The following ART1 variants were observed in gnomAD, a reference collection of about 807,000 sequenced individuals.
ART1 encodes ADP-ribosyltransferase 1, also known as GPI-linked NAD(P)(+)--arginine ADP-ribosyltransferase 1.
ART1 carries 29 observed loss-of-function variants against 27.0 expected under a neutral mutation model. The observed-to-expected ratio is 1.08, with a 90% CI of 0.80 to 1.47. The LOEUF is 1.47. Among genes scored for constraint, ART1 ranks in the 40% most tolerant of loss-of-function variants. The pLI is 0.00. For missense variants in ART1, 480 were observed against 423.0 expected (o/e 1.13, Z -1.18); for synonymous variants, 201 against 172.2 (o/e 1.17, Z -1.31).
chr11:3,659,221 T>G lies in ART1; in HGVS notation c.8T>G (p.Met3Arg), dbSNP rs1372118960. ...TGGCCCAGGGTCACCAGCATGCAGATGCCTGCTATGATGTCTCTGCTTCTT... is the reference window on the plus strand; with the variant it reads ...TGGCCCAGGGTCACCAGCATGCAGAGGCCTGCTATGATGTCTCTGCTTCTT... MQ[M>R]PAMMSLLLVS... is the part of the protein sequence containing the mutation. Residue 3 changes from methionine to arginine, a missense_variant, in exon 2 of 5, where the codon ATG becomes AGG. Met to Arg is a moderately conservative substitution (Grantham distance 91). Transcript: ENST00000250693. 1 of 1,614,202 alleles carries G rather than the reference T, an allele frequency of 6.2e-7. No homozygotes were observed. The highest frequency in any genetic ancestry group is 2.2e-5 in the East Asian group (1 of 44,882).
rs528328904 is a variant in ART1 at position 3,647,854 on chromosome 11, T to C, written c.-53+2675T>C. ...AGGCTGAAAAAAAAAAAAGTAAAGT[T>C]GCACAGGGCTGTGCTGGAGCAGGAC... is the stretch of plus-strand genomic sequence containing the variant. On this transcript the variant is annotated intron_variant, in intron 1 of 4. Coordinates refer to ENST00000250693, the MANE Select transcript of ART1 (RefSeq NM_004314.3). Among the ~76,000 whole-genome samples, 38 of 149,300 alleles carry C rather than the reference T, an allele frequency of 2.5e-4. No homozygotes were observed. The East Asian group carries it at 4.1e-3, about 16-fold the overall frequency.
chr11:3,654,865 A>T (rs1379251645), intron 1 of ART1, among the ~76,000 whole-genome samples: 2 of 152,200 alleles, frequency 1.3e-5, no homozygotes, highest in African/African-American at 2.4e-5. Flanking sequence ...GTCTGCCTTC[A>T]AGCCTCTCCT....
At chr11:3,650,529 C>A (rs61878516) in intron 1 of ART1, among the ~76,000 whole-genome samples, 5,713 of 152,262 alleles carry the variant, frequency 0.038, 154 homozygotes, top group Middle Eastern at 0.071. Context: ...GCTACCCACT[C>A]CACATTACCT....
At chr11:3,645,226 G>T (rs1285334822) in intron 1 of ART1, 47 bp downstream of exon 1, 1 of 152,182 alleles carries the variant, frequency 6.6e-6, no homozygotes, top group Non-Finnish European at 1.5e-5. Context: ...AGGAAAAGTG[G>T]TTTTGAGGTG....
At chr11:3,647,233 A>G (rs2133944901) in intron 1 of ART1, among the ~76,000 whole-genome samples, 1 of 152,160 alleles carries the variant, frequency 6.6e-6, no homozygotes, top group South Asian at 2.1e-4. Context: ...TGAGGCGGAG[A>G]ATTGCTTGAA....
Position 3,650,399 on chromosome 11 carries a change from G to A in ART1, c.-53+5220G>A, listed in dbSNP as rs1370080408. On this transcript the variant is annotated intron_variant, in intron 1 of 4. Coordinates refer to ENST00000250693, the MANE Select transcript of ART1 (RefSeq NM_004314.3). ...CTCCTTCCCAGATCTTCTCGGCTTA[G>A]CAGCTGAAGACTGACATTCCCCGAT... Among the ~76,000 whole-genome samples the A allele has an allele frequency of 2.0e-5, 3 of 152,242 alleles. No individual in the cohort carries two copies. In the East Asian group the frequency reaches 5.8e-4, roughly 29 times the overall value.
At chr11:3,653,541 C>A (rs1302665983) in intron 1 of ART1, among the ~76,000 whole-genome samples, 1 of 151,998 alleles carries the variant, frequency 6.6e-6, no homozygotes, top group Non-Finnish European at 1.5e-5. Flanking sequence ...TTCGCTGACT[C>A]TCTTTTCGGA....
At chr11:3,648,265 C>T (rs1025121290) in intron 1 of ART1, among the ~76,000 whole-genome samples, 1 of 152,218 alleles carries the variant, frequency 6.6e-6, no homozygotes, top group Non-Finnish European at 1.5e-5. Flanking sequence ...TTATTGCTCA[C>T]ACAAAGCCTG....
chr11:3,662,089 T>G (rs2077625856), intron 4 of ART1, among the ~76,000 whole-genome samples: 1 of 152,198 alleles, frequency 6.6e-6, no homozygotes, highest in Admixed American at 6.5e-5. Context: ...CAGAACCCAC[T>G]GTCTCTGTTA....
At chr11:3,652,556 A>T (rs2077532673) in intron 1 of ART1, among the ~76,000 whole-genome samples, 1 of 152,144 alleles carries the variant, frequency 6.6e-6, no homozygotes, top group African/African-American at 2.4e-5. Flanking sequence ...GTGTCCTCAG[A>T]ATGCTACAAG....
intron 2 of ART1, 90 bp downstream of exon 2, chr11:3,659,366 G>C: frequency 6.4e-7 from 1 of 1,570,884 alleles, no homozygotes; most frequent in East Asian, 2.2e-5. Flanking sequence ...AGAGAGGAAA[G>C]AATGCCCGAC....
intron 4 of ART1, among the ~76,000 whole-genome samples, chr11:3,663,089 A>ATCTCATCATCTCATCTCATCATC (rs751116037): frequency 1.3e-4 from 11 of 87,070 alleles, no homozygotes; most frequent in African/African-American, 1.8e-4. Flanking sequence ...ATCTCATCTC[A>ATCTCATCATCTCATCTCATCATC]TCATCTCATC....
chr11:3,648,329 C>T (rs148275285), intron 1 of ART1, among the ~76,000 whole-genome samples: 5,101 of 152,284 alleles, frequency 0.033, 113 homozygotes, highest in Non-Finnish European at 0.05. Flanking sequence ...TGACTCAGAT[C>T]GGGGGACCTC....
chr11:3,653,299 T>C, intron 1 of ART1, among the ~76,000 whole-genome samples: 1 of 148,592 alleles, frequency 6.7e-6, no homozygotes, highest in South Asian at 2.2e-4. Context: ...AGATGGCCGG[T>C]TCCTGCCTTA....
chr11:3,661,079 C>T (rs763107344), intron 3 of ART1, among the ~76,000 whole-genome samples: 2 of 152,020 alleles, frequency 1.3e-5, no homozygotes, highest in African/African-American at 2.4e-5. Context: ...CAGGCTGGGG[C>T]GAGGCATGGA....
chr11:3,646,722 A>T (rs2077471720), intron 1 of ART1, among the ~76,000 whole-genome samples: 1 of 152,148 alleles, frequency 6.6e-6, no homozygotes, highest in South Asian at 2.1e-4. Flanking sequence ...TGTGACTCTC[A>T]GATGTCTCCT....
chr11:3,655,500 A>G (rs531470954), intron 1 of ART1: 20 of 152,352 alleles, frequency 1.3e-4, no homozygotes, highest in African/African-American at 4.8e-4. Context: ...CTCACAAAAA[A>G]CAGGCTCCCA....
At chr11:3,655,738 T>C (rs1272510601) in intron 1 of ART1, 1 of 152,134 alleles carries the variant, frequency 6.6e-6, no homozygotes, top group Non-Finnish European at 1.5e-5. Context: ...TGCCCATCCA[T>C]GAGCCAGTCA....
chr11:3,656,439 A>G (rs976135566), intron 1 of ART1, among the ~76,000 whole-genome samples: 4 of 151,808 alleles, frequency 2.6e-5, no homozygotes, highest in Non-Finnish European at 5.9e-5. Flanking sequence ...CTTGAGTGCA[A>G]TGGCGCAATC....
Sources: gnomAD v4.1 joint callset for allele counts (sites outside exome capture counted in the v4.1 genomes callset) on GRCh38, gnomAD v4.1.1 for gene constraint, MANE v1.5 for transcripts, NCBI Gene and HGNC (gene_info 2026-07-23, HGNC 2026-07-21) for gene names.